INTS10: variants seen among roughly 807,000 people sequenced by gnomAD.
INTS10 encodes integrator complex subunit 10, also known as chromosome 8 open reading frame 35.
In INTS10, 44 loss-of-function variants were observed where a neutral mutation model predicts 94.4. That is an observed-to-expected ratio of 0.47 (90% CI 0.37 to 0.60). INTS10 has a LOEUF of 0.60. INTS10 is among the 20% of genes least tolerant of loss of function. The pLI, the probability that INTS10 is intolerant of heterozygous loss-of-function variation, is 0.00. For missense variants in INTS10, 797 were observed against 868.7 expected (o/e 0.92, Z 1.04); for synonymous variants, 341 against 320.7 (o/e 1.06, Z -0.68).
intron 9 of INTS10, among the ~76,000 whole-genome samples, 180 bp from the exon 10 acceptor site, chr8:19,830,226 T>C (rs2067124918): frequency 9.2e-6 from 1 of 108,516 alleles, no homozygotes; most frequent in Admixed American, 8.9e-5. Context: ...TGTGTGAGAG[T>C]ATAAAGACAA....
At position 19,851,737 on chromosome 8, in the gene INTS10, A is replaced by T; in HGVS notation, c.2065A>T (p.Asn689Tyr). 1.2e-6 allele frequency: 2 copies of T among 1,614,090 alleles called. No homozygotes were observed. The highest frequency in any genetic ancestry group is 1.7e-6 in the Non-Finnish European group (2 of 1,179,982). ...MERQVSRCGE[N>Y]LMVVLHRFCI... Reference sequence around the variant, plus strand: ...GCGCCAGGTCTCCCGCTGTGGAGAGAATCTGATGGTGGTTCTGCACAGGTT... The same window carrying T: ...GCGCCAGGTCTCCCGCTGTGGAGAGTATCTGATGGTGGTTCTGCACAGGTT... Residue 689 changes from asparagine (N) to tyrosine (Y), a missense_variant, in exon 17 of 17, where the codon AAT (asparagine) becomes TAT (tyrosine). This residue lies in a region of INTS10 where 47 missense variants were observed against 41.8 expected (regional missense o/e 1.12). Coordinates refer to ENST00000397977, the MANE Select transcript of INTS10 (RefSeq NM_018142.4). This position sits in a 1 kb window ranked among gnomAD's most constrained non-coding sequence, Gnocchi z 5.0.
In INTS10 at chr8:19,823,307, A is replaced by T. The variant is rs1179835763; in HGVS notation, c.530A>T (p.Asp177Val). ...TCTTTTTCTCCTCCAACAGTTTGTG[A>T]TGTCCTTCCTCTAATAATTAACAAC... ...VNCFRKLFVC[D>V]VLPLIINNHD... Residue 177 changes from aspartate to valine, a missense_variant, in exon 6 of 17, where the codon GAT (aspartate) becomes GTT (valine). By Grantham distance (152) the Asp-to-Val change is radical. Around this residue, in one of 3 missense-constraint regions of INTS10, gnomAD observed 734 missense variants for 787.8 expected, o/e 0.93. Coordinates refer to ENST00000397977, the MANE Select transcript of INTS10 (RefSeq NM_018142.4). 1 of 1,607,016 alleles carries T rather than the reference A, an allele frequency of 6.2e-7. No individual in the cohort carries two copies. Among genetic ancestry groups the T allele is most frequent in the African/African-American group, 1.3e-5 (1 of 74,716 alleles).
Position 19,851,898 on chromosome 8 carries a change from T to A in INTS10, c.*93T>A, listed in dbSNP as rs889229473. On this transcript the variant is annotated 3_prime_UTR_variant, in exon 17 of 17. Coordinates refer to ENST00000397977, the MANE Select transcript of INTS10 (RefSeq NM_018142.4). The surrounding 1 kb of genome is among the most constrained non-coding windows in gnomAD (Gnocchi z 5.0). ...TGCCATGGCACAGAGCCGTGGTCAT[T>A]GTTGCTGTTACAAAGAAGAAAACCA... 3.5e-6 allele frequency: 4 copies of A among 1,140,138 alleles called. No homozygotes were observed. The African/African-American group carries it at 4.6e-5, about 13-fold the overall frequency. 70.6% of individuals were successfully genotyped at this position (1,140,138 alleles called of 1,614,324 possible).
At position 19,823,351 on chromosome 8, in the gene INTS10, G is replaced by C; in HGVS notation, c.574G>C (p.Ala192Pro). Residue 192 changes from alanine to proline, a missense_variant, in exon 6 of 17, where the codon GCC becomes CCC. Transcript: ENST00000397977. ...IINNHDVRLP[A>P]NLLYKYLNKA... Reference sequence around the variant, plus strand: ...TAACAACCATGATGTTCGATTACCTGCCAATTTATTGTATAAGTACTTGAA... The same window carrying C: ...TAACAACCATGATGTTCGATTACCTCCCAATTTATTGTATAAGTACTTGAA... 1.9e-6 allele frequency: 3 copies of C among 1,602,612 alleles called. No individual in the cohort carries two copies. The highest frequency in any genetic ancestry group is 2.6e-6 in the Non-Finnish European group (3 of 1,169,634).
intron 3 of INTS10, 73 bp from the exon 4 acceptor site, chr8:19,820,306 C>A: frequency 1.4e-6 from 2 of 1,435,220 alleles, no homozygotes; most frequent in Non-Finnish European, 1.9e-6. Context: ...CATGAAAATG[C>A]CTTACTCAGC....
chr8:19,825,589 A>G (rs1415489031), intron 8 of INTS10, among the ~76,000 whole-genome samples: 1 of 152,130 alleles, frequency 6.6e-6, no homozygotes. Flanking sequence ...TGAAGACATC[A>G]CAAGAGGCAA....
In INTS10 at chr8:19,843,167, G is replaced by A. The variant is rs1056649090; in HGVS notation, c.1719+240G>A. The stretch of plus-strand genomic sequence containing the variant: ...AAAAGTGTAATAGTGGGACAGATAT[G>A]CAAATAACCTTGACTGTTGTAGTGT... On this transcript the variant is annotated intron_variant, in intron 14 of 16. Coordinates refer to ENST00000397977, the MANE Select transcript of INTS10 (RefSeq NM_018142.4). The surrounding 1 kb of genome is among the most constrained non-coding windows in gnomAD (Gnocchi z 4.7). Among the ~76,000 whole-genome samples the A allele has an allele frequency of 1.3e-5, 2 of 152,184 alleles. No individual in the cohort carries two copies. The highest frequency in any genetic ancestry group is 2.9e-5 in the Non-Finnish European group (2 of 68,040).
intron 13 of INTS10, among the ~76,000 whole-genome samples, chr8:19,838,868 G>A (rs2067886714): frequency 6.6e-6 from 1 of 151,868 alleles, no homozygotes; most frequent in Non-Finnish European, 1.5e-5. Context: ...TCAGGAGATA[G>A]AGACCATCCT....
In INTS10 at chr8:19,833,251, A is replaced by C. The variant is rs1286180175; in HGVS notation, c.1460A>C (p.Gln487Pro). 6.2e-7 allele frequency: 1 copy of C among 1,613,118 alleles called. No homozygotes were observed. Among genetic ancestry groups the C allele is most frequent in the South Asian group, 1.1e-5 (1 of 90,996 alleles). ...ATTTCTCAGCCACAGATCACAGGGC[A>C]GGGGACCCTGGAGCATCAGAGGGCG... ...GSISQPQITG[Q>P]GTLEHQRALI... The change falls in exon 12 of 17, where the codon CAG (glutamine) becomes CCG (proline). Residue 487 changes from glutamine (Q) to proline (P), a missense_variant. Gln to Pro is a moderately conservative substitution (Grantham distance 76). Around this residue, in one of 3 missense-constraint regions of INTS10, gnomAD observed 734 missense variants for 787.8 expected, o/e 0.93. Transcript: ENST00000397977.
rs201067990 is a variant in INTS10, at chr8:19,833,186, G to C, written c.1395G>C (p.Ala465=). The part of the protein sequence containing the change: ...MIIYQGQYKK[A]IASLHHLAAL... ...TTTCTTAGGGTCAATATAAAAAGGC[G>C]ATAGCCAGCCTGCATCACTTAGCAG... The change falls in exon 12 of 17, where the codon GCG becomes GCC. Residue 465 remains alanine (A), a synonymous_variant. Coordinates refer to ENST00000397977, the MANE Select transcript of INTS10 (RefSeq NM_018142.4). The C allele has an allele frequency of 6.2e-7, 1 of 1,603,630 alleles. No individual in the cohort carries two copies. The highest frequency in any genetic ancestry group is 8.5e-7 in the Non-Finnish European group (1 of 1,176,162).
At chr8:19,823,838 T>A (rs768209589) in intron 6 of INTS10, 35 bp from the exon 7 acceptor site, 5 of 1,533,238 alleles carry the variant, frequency 3.3e-6, no homozygotes, top group Non-Finnish European at 4.4e-6. Flanking sequence ...TAAGTCATAA[T>A]GTTAATTGTA....
chr8:19,839,808 A>G (rs1230657484), intron 13 of INTS10, among the ~76,000 whole-genome samples: 1 of 152,154 alleles, frequency 6.6e-6, no homozygotes, highest in East Asian at 1.9e-4. Context: ...CACACCTCTA[A>G]TCCCAACACT....
At chr8:19,827,266 C>G (rs1378103066) in intron 9 of INTS10, among the ~76,000 whole-genome samples, 1 of 152,150 alleles carries the variant, frequency 6.6e-6, no homozygotes, top group Non-Finnish European at 1.5e-5. Context: ...AGTGCTTTTC[C>G]CTTGGATCTC....
At chr8:19,832,953 C>T (rs1428307602) in intron 11 of INTS10, among the ~76,000 whole-genome samples, 2 of 152,144 alleles carry the variant, frequency 1.3e-5, no homozygotes, top group Non-Finnish European at 2.9e-5. Flanking sequence ...AATCTTCATC[C>T]TTATAAAGTA....
chr8:19,817,508 TCGGGCTGG>T lies in INTS10; in HGVS notation c.-26_-19del. On this transcript the variant is annotated 5_prime_UTR_variant, in exon 1 of 17. Transcript: ENST00000397977. ...TCCAGAGCCGGACGTTCCGGCCGCT[TCGGGCTGG>T]CGGCTGGAGAGCGCTCGGGTCATGT... is the stretch of plus-strand genomic sequence containing the variant. The T allele has an allele frequency of 6.3e-7, 1 of 1,597,532 alleles. No homozygotes were observed. The highest frequency in any genetic ancestry group is 8.5e-7 in the Non-Finnish European group (1 of 1,173,910).
chr8:19,828,039 T>G (rs2066937451), intron 9 of INTS10, among the ~76,000 whole-genome samples: 1 of 150,686 alleles, frequency 6.6e-6, no homozygotes, highest in African/African-American at 2.4e-5. Flanking sequence ...TGAGACCCCG[T>G]CTCTATAAAA....
rs558950906 is a variant in INTS10, at chr8:19,832,724, C to G, written c.1378-445C>G. ...TCCTCTCTCTGCTGGTGGAGTCTGCCTGGCTGTACTGTTCTCCAGCATCTT... is the reference window on the plus strand; with the variant it reads ...TCCTCTCTCTGCTGGTGGAGTCTGCGTGGCTGTACTGTTCTCCAGCATCTT... On this transcript the variant is annotated intron_variant, in intron 11 of 16. Coordinates refer to ENST00000397977, the MANE Select transcript of INTS10 (RefSeq NM_018142.4). Among the ~76,000 whole-genome samples, 89 of 152,346 alleles carry G rather than the reference C, an allele frequency of 5.8e-4. 1 individual carries two copies. The South Asian group carries it at 0.018, about 30-fold the overall frequency.
At chr8:19,839,734 A>G (rs1359229353) in intron 13 of INTS10, among the ~76,000 whole-genome samples, 1 of 152,004 alleles carries the variant, frequency 6.6e-6, no homozygotes, top group Admixed American at 6.6e-5. Context: ...ACACAGTTAC[A>G]TATTTGGCTA....
chr8:19,821,360 T>A (rs1177963859), intron 4 of INTS10: 1 of 152,292 alleles, frequency 6.6e-6, no homozygotes, highest in Non-Finnish European at 1.5e-5. Context: ...TCTTTGGCAT[T>A]CCCTGGCAGG....
Sources: gnomAD v4.1 joint callset for allele counts (sites outside exome capture counted in the v4.1 genomes callset) on GRCh38, gnomAD v4.1.1 for gene constraint, gnomAD v4.1.1 regional missense constraint, Gnocchi (gnomAD v3.1) non-coding constraint, MANE v1.5 for transcripts, NCBI Gene and HGNC (gene_info 2026-07-23, HGNC 2026-07-21) for gene names.